The following PHLDB2 variants were observed in gnomAD, a reference collection of about 807,000 sequenced individuals.
The protein encoded by PHLDB2 is pleckstrin homology like domain family B member 2.
In PHLDB2, 71 loss-of-function variants were observed where a neutral mutation model predicts 123.6. That is an observed-to-expected ratio of 0.57 (90% CI 0.47 to 0.70). PHLDB2 has a LOEUF of 0.70. Ranked by LOEUF, PHLDB2 falls within the 30% of genes least tolerant of loss-of-function variation. The pLI is 0.00. For synonymous variants in PHLDB2, 547 were observed against 541.6 expected (o/e 1.01, Z -0.14); for missense variants, 1,446 against 1,519.5 (o/e 0.95, Z 0.80).
At chr3:111,830,965 GAAAGAAAGAAAGAAAGAA>G (rs2062961516) in intron 1 of PHLDB2, among the ~76,000 whole-genome samples, 2 of 48,440 alleles carry the variant, frequency 4.1e-5, no homozygotes, top group African/African-American at 9.4e-5. Flanking sequence ...GAGAAAGAAA[GAAAGAAAGAAAGAAAGAA>G]AGAAAGAAAG....
intron 2 of PHLDB2, among the ~76,000 whole-genome samples, chr3:111,889,620 T>G (rs1038162654): frequency 6.6e-6 from 1 of 152,196 alleles, no homozygotes; most frequent in Non-Finnish European, 1.5e-5. Flanking sequence ...CAGTATTGAT[T>G]GAGCTCAGGA....
At chr3:111,800,968 G>T (rs1576648334) in intron 1 of PHLDB2, among the ~76,000 whole-genome samples, 1 of 152,066 alleles carries the variant, frequency 6.6e-6, no homozygotes, top group African/African-American at 2.4e-5. Context: ...AGATCATTTT[G>T]CAAGACTTAG....
At position 111,859,543 on chromosome 3, in the gene PHLDB2, C is replaced by G. The variant is rs949334466; in HGVS notation, c.-48C>G. The stretch of plus-strand genomic sequence containing the variant: ...GGCGCAAGGAGCGCGCCTGCCTTCT[C>G]TCGCCGCCGGGAACGGGCTGCACCA... On this transcript the variant is annotated 5_prime_UTR_variant, in exon 1 of 18. Transcript: ENST00000431670. 3.0e-6 allele frequency: 3 copies of G among 985,456 alleles called. No individual in the cohort carries two copies. In the African/African-American group the frequency reaches 5.2e-5, roughly 17 times the overall value. 61.0% of individuals were successfully genotyped at this position (985,456 alleles called of 1,614,324 possible).
At chr3:111,737,458 C>T (rs2107911086) in intron 1 of PHLDB2, among the ~76,000 whole-genome samples, 1 of 152,274 alleles carries the variant, frequency 6.6e-6, no homozygotes, top group South Asian at 2.1e-4. Context: ...CCCTGACCCA[C>T]CCAAAACTTG....
intron 1 of PHLDB2, among the ~76,000 whole-genome samples, chr3:111,823,117 A>G (rs1027441471): frequency 6.6e-6 from 1 of 152,214 alleles, no homozygotes; most frequent in Non-Finnish European, 1.5e-5. Flanking sequence ...ACAGCTTCCA[A>G]GTGGTTGCAA....
chr3:111,947,657 A>G (rs1045692670), intron 9 of PHLDB2, among the ~76,000 whole-genome samples: 4 of 152,126 alleles, frequency 2.6e-5, no homozygotes, highest in East Asian at 1.9e-4. Context: ...AAAATTGTTC[A>G]TTTTCTTTCT....
At chr3:111,924,052 A>G (rs898550459) in intron 5 of PHLDB2, among the ~76,000 whole-genome samples, 4 of 151,788 alleles carry the variant, frequency 2.6e-5, no homozygotes, top group Admixed American at 1.3e-4. Context: ...CTTCCTTTCT[A>G]TCTTTCTGTT....
intron 1 of PHLDB2, among the ~76,000 whole-genome samples, chr3:111,802,707 G>T (rs962633568): frequency 9.2e-5 from 14 of 152,124 alleles, no homozygotes; most frequent in African/African-American, 3.4e-4. Flanking sequence ...ACTTACATTC[G>T]TTACAGCAGA....
At position 111,976,115 on chromosome 3, in the gene PHLDB2, G is replaced by A. The variant is rs1202172956; in HGVS notation, c.*1552G>A. ...AATTGCTAAGATTTTGTTGGTTAAT[G>A]TAAAGATATGACTTTTCTGCACTGT... On this transcript the variant is annotated 3_prime_UTR_variant, in exon 18 of 18. Transcript: ENST00000431670. The A allele has an allele frequency of 6.6e-6, 1 of 152,650 alleles. No homozygotes were observed. Among genetic ancestry groups the A allele is most frequent in the Non-Finnish European group, 1.5e-5 (1 of 68,032 alleles). The allele number at this position is 152,650 out of a possible 1,614,324, so 9.5% of individuals were successfully genotyped here. A position where few individuals can be genotyped will look rare whatever the true frequency, so the allele number is the denominator to read the frequency against.
At chr3:111,929,043 C>T (rs2068962907) in intron 5 of PHLDB2, among the ~76,000 whole-genome samples, 1 of 152,168 alleles carries the variant, frequency 6.6e-6, no homozygotes. Context: ...GGGAAAATCT[C>T]TTGAGCCCAT....
chr3:111,779,818 T>G (rs1319632725), intron 1 of PHLDB2: 2 of 975,190 alleles, frequency 2.1e-6, no homozygotes, highest in Non-Finnish European at 2.4e-6. Context: ...ATCCTCTTTT[T>G]GCCTTTGCTA....
At chr3:111,920,225 T>C in intron 4 of PHLDB2, 57 bp from the exon 5 acceptor site, 1 of 1,569,658 alleles carries the variant, frequency 6.4e-7, no homozygotes, top group Non-Finnish European at 8.6e-7. Context: ...TCTAGGGTGG[T>C]CAGTTGAGAA....
intron 5 of PHLDB2, among the ~76,000 whole-genome samples, chr3:111,927,212 A>C (rs1335119538): frequency 7.0e-6 from 1 of 142,138 alleles, no homozygotes. Context: ...ATACATAGAT[A>C]GGACTTTGAA....
chr3:111,899,306 A>C (rs550108585), intron 2 of PHLDB2, among the ~76,000 whole-genome samples: 1 of 152,322 alleles, frequency 6.6e-6, no homozygotes, highest in South Asian at 2.1e-4. Flanking sequence ...ATACATGTGT[A>C]TAATGTGCAG....
At chr3:111,770,918 G>A (rs981766038) in intron 1 of PHLDB2, among the ~76,000 whole-genome samples, 9 of 151,292 alleles carry the variant, frequency 5.9e-5, no homozygotes, top group Non-Finnish European at 1.0e-4. Flanking sequence ...TTGGTACGAA[G>A]CCAGTCAGCT....
intron 1 of PHLDB2, among the ~76,000 whole-genome samples, chr3:111,784,874 G>C (rs1282251110): frequency 1.3e-5 from 2 of 151,904 alleles, no homozygotes; most frequent in Admixed American, 6.6e-5. Flanking sequence ...ATTCCCTATT[G>C]TAAAAACTTT....
At chr3:111,971,466 T>G (rs1469883475) in intron 16 of PHLDB2, among the ~76,000 whole-genome samples, 1 of 152,094 alleles carries the variant, frequency 6.6e-6, no homozygotes, top group East Asian at 1.9e-4. Context: ...AAAACCTTCT[T>G]GGTATATGAA....
chr3:111,898,570 G>A (rs2067011535), intron 2 of PHLDB2, among the ~76,000 whole-genome samples: 1 of 152,126 alleles, frequency 6.6e-6, no homozygotes, highest in African/African-American at 2.4e-5. Flanking sequence ...AGCATGCAAC[G>A]CTGTTTGGTT....
At chr3:111,825,157 T>C (rs1222608099) in intron 1 of PHLDB2, among the ~76,000 whole-genome samples, 1 of 152,220 alleles carries the variant, frequency 6.6e-6, no homozygotes, top group East Asian at 1.9e-4. Flanking sequence ...CAAATTTCCA[T>C]AATCTAGGTA....
Sources: gnomAD v4.1 joint callset for allele counts (sites outside exome capture counted in the v4.1 genomes callset) on GRCh38, gnomAD v4.1.1 for gene constraint, MANE v1.5 for transcripts, NCBI Gene and HGNC (gene_info 2026-07-23, HGNC 2026-07-21) for gene names.